Variants in GLIS3 observed in about 807,000 individuals in gnomAD.
GLIS3 encodes GLIS family zinc finger 3.
Under a neutral mutation model 78.6 loss-of-function variants are expected in GLIS3, and 53 were observed. That is an observed-to-expected ratio of 0.67 (90% CI 0.54 to 0.85). The LOEUF is 0.85. GLIS3 is among the 40% of genes least tolerant of loss of function. The pLI is 0.00. For missense variants in GLIS3, 1,703 were observed against 1,231.1 expected (o/e 1.38, Z -5.74); for synonymous variants, 684 against 509.9 (o/e 1.34, Z -4.60).
intron 2 of GLIS3, among the ~76,000 whole-genome samples, chr9:4,150,027 G>A (rs533136718): frequency 6.7e-6 from 1 of 149,330 alleles, no homozygotes; most frequent in South Asian, 2.1e-4. Context: ...TGCACGTGCG[G>A]GTGCACGCAT....
intron 8 of GLIS3, among the ~76,000 whole-genome samples, chr9:3,862,351 G>C (rs1820265928): frequency 6.6e-6 from 1 of 152,114 alleles, no homozygotes. Context: ...AAGAAATCTA[G>C]CAATGGCAAG....
At chr9:4,190,342 C>G (rs1480351765) in intron 2 of GLIS3, among the ~76,000 whole-genome samples, 1 of 152,010 alleles carries the variant, frequency 6.6e-6, no homozygotes, top group Non-Finnish European at 1.5e-5. Flanking sequence ...CTTAAAGGAG[C>G]TGATGGAGCT....
At position 4,113,575 on chromosome 9, in the gene GLIS3, T is replaced by C. The variant is rs565158505; in HGVS notation, c.1710+4193A>G. Among the ~76,000 whole-genome samples the C allele has an allele frequency of 5.9e-5, 9 of 152,344 alleles. No homozygotes were observed. In the South Asian group the frequency reaches 1.9e-3, roughly 32 times the overall value. Reference sequence around the variant, plus strand: ...GAATTATGCTTACATGATATTTTCCTAAGGTCCCTCTGGTCATAGACCACA... The same window carrying C: ...GAATTATGCTTACATGATATTTTCCCAAGGTCCCTCTGGTCATAGACCACA... On this transcript the variant is annotated intron_variant, in intron 4 of 10. Coordinates refer to ENST00000381971, the MANE Select transcript of GLIS3 (RefSeq NM_001042413.2).
the GLIS3 span, among the ~76,000 whole-genome samples, chr9:4,446,388 G>C: frequency 5.9e-5 from 9 of 152,014 alleles, no homozygotes; most frequent in East Asian, 1.7e-3. Context: ...CCTTGATCTT[G>C]GACTTCCCAG....
chr9:3,950,077 C>A (rs373484299), intron 4 of GLIS3, among the ~76,000 whole-genome samples: 158 of 152,352 alleles, frequency 1.0e-3, no homozygotes, highest in Non-Finnish European at 2.0e-3. Context: ...AGCGCAGCCC[C>A]AAAGCCTACA....
intron 2 of GLIS3, among the ~76,000 whole-genome samples, chr9:4,175,781 T>G (rs1442242011): frequency 6.6e-6 from 1 of 152,222 alleles, no homozygotes; most frequent in African/African-American, 2.4e-5. Context: ...AATACTCCTT[T>G]TACATCAATT....
chr9:4,014,167 T>C (rs1249169587), intron 4 of GLIS3, among the ~76,000 whole-genome samples: 2 of 152,226 alleles, frequency 1.3e-5, no homozygotes, highest in African/African-American at 2.4e-5. Flanking sequence ...TGGCTGGATT[T>C]GGCCTCAATG....
At chr9:4,462,639 GCACACACA>G in the GLIS3 span, among the ~76,000 whole-genome samples, 4 of 142,524 alleles carry the variant, frequency 2.8e-5, no homozygotes, top group South Asian at 2.2e-4. Context: ...ACACAGACAC[GCACACACA>G]CACACACACA....
chr9:4,084,256 A>ACACACACATACACACACAC (rs1828812518), intron 4 of GLIS3, among the ~76,000 whole-genome samples: 1 of 132,120 alleles, frequency 7.6e-6, no homozygotes, highest in Non-Finnish European at 1.6e-5. Context: ...TCCTCTCTCT[A>ACACACACATACACACACAC]ACACACACAC....
At chr9:3,908,719 T>TTG (rs1260012995) in intron 6 of GLIS3, among the ~76,000 whole-genome samples, 3 of 145,600 alleles carry the variant, frequency 2.1e-5, no homozygotes, top group African/African-American at 5.1e-5. Flanking sequence ...TTTTTTTTTT[T>TTG]TTTTTTTTTG....
At chr9:3,996,882 T>C (rs1283142363) in intron 4 of GLIS3, among the ~76,000 whole-genome samples, 2 of 152,096 alleles carry the variant, frequency 1.3e-5, no homozygotes, top group Non-Finnish European at 2.9e-5. Flanking sequence ...AAAAGGTAAA[T>C]AAATGTATGT....
the GLIS3 span, among the ~76,000 whole-genome samples, chr9:4,409,612 A>C: frequency 6.6e-6 from 1 of 152,194 alleles, no homozygotes; most frequent in South Asian, 2.1e-4. Flanking sequence ...AAACAAAGAT[A>C]ATTAGAGAAA....
intron 4 of GLIS3, among the ~76,000 whole-genome samples, chr9:3,952,349 G>GC (rs1001004481): frequency 2.6e-5 from 4 of 152,000 alleles, no homozygotes; most frequent in South Asian, 2.1e-4. Flanking sequence ...TGAACCAGAA[G>GC]CCCCCCCAGA....
the GLIS3 span, among the ~76,000 whole-genome samples, chr9:4,356,861 G>A: frequency 2.6e-5 from 4 of 152,190 alleles, no homozygotes; most frequent in Non-Finnish European, 5.9e-5. Flanking sequence ...GATTACACAT[G>A]TAAAAAGGTT....
intron 4 of GLIS3, chr9:4,305,749 T>TAC (rs55871490): frequency 3.5e-3 from 1 of 282 alleles, no homozygotes; most frequent in East Asian, 0.17. Flanking sequence ...TTTTCTCCTC[T>TAC]GTGTTGTGGA....
chr9:4,329,476 G>T (rs1404316316), intron 2 of GLIS3, among the ~76,000 whole-genome samples: 1 of 152,044 alleles, frequency 6.6e-6, no homozygotes, highest in Non-Finnish European at 1.5e-5. Flanking sequence ...CTGGAACTAG[G>T]TGGTATCTGG....
chr9:4,276,988 T>C (rs1340088599), intron 2 of GLIS3, among the ~76,000 whole-genome samples: 3 of 152,182 alleles, frequency 2.0e-5, no homozygotes, highest in Non-Finnish European at 2.9e-5. Context: ...GGAAGCCACA[T>C]TGGAAGTGCA....
At chr9:4,181,831 G>C (rs533082413) in intron 2 of GLIS3, among the ~76,000 whole-genome samples, 57 of 152,288 alleles carry the variant, frequency 3.7e-4, no homozygotes, top group Non-Finnish European at 6.6e-4. Flanking sequence ...GTCACACAGA[G>C]ACAGACCCCG....
intron 9 of GLIS3, among the ~76,000 whole-genome samples, chr9:3,832,909 A>G (rs969676002): frequency 1.3e-5 from 2 of 152,162 alleles, no homozygotes; most frequent in Non-Finnish European, 2.9e-5. Context: ...AGAGACTTTC[A>G]CTGGCCTTTC....
Sources: allele counts gnomAD v4.1 joint callset (sites outside exome capture counted in the v4.1 genomes callset), GRCh38; gene constraint gnomAD v4.1.1; transcripts MANE v1.5; gene names NCBI Gene and HGNC (gene_info 2026-07-23, HGNC 2026-07-21).